The following MYO1D variants were observed in gnomAD, a reference collection of about 807,000 sequenced individuals.
MYO1D encodes the protein myosin ID.
A neutral mutation model predicts 122.0 loss-of-function variants in MYO1D; 83 were observed. The ratio of observed to expected loss-of-function variants is 0.68; its 90% CI spans 0.57 to 0.82. The LOEUF (loss-of-function observed/expected upper bound fraction) is 0.82. Among genes scored for constraint, MYO1D ranks in the 40% least tolerant of loss-of-function variants. MYO1D has a pLI of 0.00. For missense variants in MYO1D, 1,157 were observed against 1,269.5 expected, an observed-to-expected ratio of 0.91 and a Z score of 1.35; for synonymous variants, 464 against 446.9, an observed-to-expected ratio of 1.04 and a Z score of -0.48.
chr17:32,711,933 A>T (rs2089381434), intron 16 of MYO1D, 55 bp downstream of exon 16: 1 of 1,398,438 alleles, frequency 7.2e-7, no homozygotes, highest in Non-Finnish European at 9.8e-7. Context: ...TATGCAACAA[A>T]TTTTTAAGAA....
At chr17:32,868,623 G>A (rs1004394939) in intron 1 of MYO1D, among the ~76,000 whole-genome samples, 4 of 152,112 alleles carry the variant, frequency 2.6e-5, no homozygotes, top group Admixed American at 6.5e-5. Context: ...GAGGCCATTC[G>A]GGAAGGATTC....
intron 8 of MYO1D, among the ~76,000 whole-genome samples, chr17:32,761,686 CAG>C (rs1284091191): frequency 1.3e-5 from 2 of 152,252 alleles, no homozygotes; most frequent in African/African-American, 4.8e-5. Flanking sequence ...AATCCAGACT[CAG>C]AGAACAGTCT....
chr17:32,821,541 T>TACAC (rs34745639), intron 1 of MYO1D, among the ~76,000 whole-genome samples: 84 of 131,170 alleles, frequency 6.4e-4, no homozygotes, highest in South Asian at 3.1e-3. Flanking sequence ...AAATCACACA[T>TACAC]ACACACACAC....
chr17:32,629,092 G>C (rs1430336714), intron 20 of MYO1D, among the ~76,000 whole-genome samples: 1 of 152,128 alleles, frequency 6.6e-6, no homozygotes, highest in Non-Finnish European at 1.5e-5. Flanking sequence ...AACCTTAAAG[G>C]CCTACTGCTA....
chr17:32,647,917 C>A (rs1023486835), intron 19 of MYO1D, among the ~76,000 whole-genome samples: 5 of 152,040 alleles, frequency 3.3e-5, no homozygotes, highest in African/African-American at 1.2e-4. Context: ...GTTAAAAAGC[C>A]CCTATCACAC....
At chr17:32,539,502 A>G (rs370940939) in intron 21 of MYO1D, among the ~76,000 whole-genome samples, 91 of 152,284 alleles carry the variant, frequency 6.0e-4, no homozygotes, top group African/African-American at 1.9e-3. Flanking sequence ...AAGTGTGAGC[A>G]GGGCCATGTT....
chr17:32,519,648 A>C (rs1480511864), intron 21 of MYO1D, among the ~76,000 whole-genome samples: 1 of 151,578 alleles, frequency 6.6e-6, no homozygotes, highest in Non-Finnish European at 1.5e-5. Context: ...CTCGCCGCCG[A>C]CAGCCCCTCC....
chr17:32,767,791 C>G, intron 6 of MYO1D, 39 bp from the exon 7 acceptor site: 1 of 1,400,120 alleles, frequency 7.1e-7, no homozygotes, highest in Non-Finnish European at 1.0e-6. Flanking sequence ...ACAGATATTT[C>G]CTATGAGCAT....
intron 10 of MYO1D, among the ~76,000 whole-genome samples, chr17:32,759,608 C>T (rs1009367191): frequency 1.3e-5 from 2 of 152,022 alleles, no homozygotes; most frequent in African/African-American, 2.4e-5. Context: ...TGTCTCATTT[C>T]TATCATAAAC....
In MYO1D at chr17:32,494,729, C is replaced by T. The variant is rs1196646102; in HGVS notation, c.*30G>A. 1.3e-6 allele frequency: 2 copies of T among 1,556,596 alleles called. No homozygotes were observed. The highest frequency in any genetic ancestry group is 1.7e-6 in the Non-Finnish European group (2 of 1,153,094). On this transcript the variant is annotated 3_prime_UTR_variant, in exon 22 of 22. Transcript: ENST00000318217. The stretch of plus-strand genomic sequence containing the variant: ...CTGGGACCCAGGACTCGGAGTGTGG[C>T]CGGGCTCCGGGCCAGGCCTCCGCGG...
At chr17:32,786,193 G>A (rs1221091948) in intron 1 of MYO1D, among the ~76,000 whole-genome samples, 2 of 152,058 alleles carry the variant, frequency 1.3e-5, no homozygotes, top group African/African-American at 2.4e-5. Context: ...AACAAAATAA[G>A]TCCCATTTGA....
chr17:32,501,269 T>C (rs1360097816), intron 21 of MYO1D, among the ~76,000 whole-genome samples: 1 of 152,186 alleles, frequency 6.6e-6, no homozygotes, highest in Non-Finnish European at 1.5e-5. Flanking sequence ...CCATAACCAT[T>C]GTTAGTCTTT....
Position 32,757,494 on chromosome 17 carries a change from T to C in MYO1D, c.1297-1832A>G, listed in dbSNP as rs139928948. 2.8e-3 allele frequency among the ~76,000 whole-genome samples: 425 copies of C among 152,292 alleles called. 2 individuals are homozygous for C. Among genetic ancestry groups the C allele is most frequent in the African/African-American group, 1.0e-2 (414 of 41,560 alleles). ...TCAGTAGTACTGAGGTGAAGCAGTG[T>C]AGGTCTAAATATTTACTTTCATTAT... On this transcript the variant is annotated intron_variant, in intron 10 of 21. Coordinates refer to ENST00000318217, the MANE Select transcript of MYO1D (RefSeq NM_015194.3).
chr17:32,612,169 G>T (rs1157007760), intron 20 of MYO1D, among the ~76,000 whole-genome samples: 1 of 152,130 alleles, frequency 6.6e-6, no homozygotes, highest in Non-Finnish European at 1.5e-5. Context: ...AGGACGAGGG[G>T]TTATAGATTT....
At chr17:32,572,897 T>C (rs947350505) in intron 21 of MYO1D, among the ~76,000 whole-genome samples, 2 of 152,096 alleles carry the variant, frequency 1.3e-5, no homozygotes, top group African/African-American at 2.4e-5. Flanking sequence ...CTCTTCTCCC[T>C]AGCTATGCTC....
At chr17:32,647,328 T>C (rs898675717) in intron 19 of MYO1D, among the ~76,000 whole-genome samples, 74 of 152,236 alleles carry the variant, frequency 4.9e-4, no homozygotes, top group African/African-American at 1.7e-3. Flanking sequence ...GCCTTGGGAT[T>C]GAACAGTTTC....
intron 1 of MYO1D, among the ~76,000 whole-genome samples, chr17:32,856,052 A>G (rs1159292593): frequency 6.6e-6 from 1 of 152,204 alleles, no homozygotes; most frequent in Non-Finnish European, 1.5e-5. Flanking sequence ...CTTAGTTGCC[A>G]TCAATCAGAA....
intron 11 of MYO1D, among the ~76,000 whole-genome samples, chr17:32,750,891 C>T (rs2089892003): frequency 6.6e-6 from 1 of 152,118 alleles, no homozygotes; most frequent in East Asian, 1.9e-4. Context: ...ACAGAGAGGT[C>T]TCCAAAATAC....
chr17:32,774,651 T>A (rs2090155956), intron 4 of MYO1D, among the ~76,000 whole-genome samples: 1 of 152,148 alleles, frequency 6.6e-6, no homozygotes, highest in South Asian at 2.1e-4. Context: ...TTCAAAAGGA[T>A]CCTTTTGATT....
Sources: gnomAD v4.1 joint callset for allele counts (sites outside exome capture counted in the v4.1 genomes callset) on GRCh38, gnomAD v4.1.1 for gene constraint, MANE v1.5 for transcripts, NCBI Gene and HGNC (gene_info 2026-07-23, HGNC 2026-07-21) for gene names.